The following VWA8 variants were observed in gnomAD, a reference collection of about 807,000 sequenced individuals.
VWA8 encodes the protein von Willebrand factor A domain containing 8.
A neutral mutation model predicts 241.5 loss-of-function variants in VWA8; 221 were observed. The ratio of observed to expected loss-of-function variants is 0.91; its 90% CI spans 0.82 to 1.02. VWA8 has a LOEUF of 1.02. Among genes scored for constraint, VWA8 ranks in the 50% least tolerant of loss-of-function variants. VWA8 has a pLI of 0.00. For synonymous variants in VWA8, 852 were observed against 827.1 expected, an observed-to-expected ratio of 1.03 and a Z score of -0.52; for missense variants, 2,322 against 2,328.7, an observed-to-expected ratio of 1.00 and a Z score of 0.06.
chr13:41,930,121 AG>A (rs1324093002), intron 2 of VWA8, among the ~76,000 whole-genome samples: 7 of 152,214 alleles, frequency 4.6e-5, no homozygotes, highest in African/African-American at 1.7e-4. Flanking sequence ...GTATATGAAA[AG>A]GTGCTCAACA....
intron 9 of VWA8, among the ~76,000 whole-genome samples, chr13:41,871,110 T>C (rs1873583538): frequency 6.6e-6 from 1 of 152,106 alleles, no homozygotes; most frequent in South Asian, 2.1e-4. Context: ...TGATTCTACC[T>C]TCAAACTATA....
At position 41,671,007 on chromosome 13, in the gene VWA8, C is replaced by T. The variant is rs762528080; in HGVS notation, c.4550G>A (p.Arg1517His). Reference sequence around the variant, plus strand: ...CCATTCCATGAGTGATCGCTGCAGACGTTCAAGTCCAGTTTCCCAAAGCCT... The same window carrying T: ...CCATTCCATGAGTGATCGCTGCAGATGTTCAAGTCCAGTTTCCCAAAGCCT... ...HIRLWETGLE[R>H]LQRSLMEWRN... The change falls in exon 37 of 45, where the codon CGT (arginine) becomes CAT (histidine). Residue 1517 changes from arginine (R) to histidine (H), a missense_variant. Physicochemically the swap from Arg to His is conservative, Grantham distance 29 (BLOSUM62 0). Coordinates refer to ENST00000379310, the MANE Select transcript of VWA8 (RefSeq NM_015058.2). 4.3e-6 allele frequency: 7 copies of T among 1,613,870 alleles called. No homozygotes were observed. Among genetic ancestry groups the T allele is most frequent in the East Asian group, 2.2e-5 (1 of 44,894 alleles).
chr13:41,657,483 T>TA (rs1566404375), intron 37 of VWA8, among the ~76,000 whole-genome samples: 1 of 126,528 alleles, frequency 7.9e-6, no homozygotes, highest in Non-Finnish European at 1.7e-5. Context: ...AAAGTTATTC[T>TA]TTTTTTTTTT....
chr13:41,847,111 G>A (rs1317314378), intron 12 of VWA8, among the ~76,000 whole-genome samples: 1 of 152,030 alleles, frequency 6.6e-6, no homozygotes, highest in Non-Finnish European at 1.5e-5. Flanking sequence ...GAAAGAGAGA[G>A]AACCAGCCTA....
chr13:41,679,924 C>T (rs926964615), intron 35 of VWA8, among the ~76,000 whole-genome samples: 2 of 145,064 alleles, frequency 1.4e-5, no homozygotes, highest in African/African-American at 5.0e-5. Context: ...GTGGTATTCA[C>T]CTTCATCATT....
At chr13:41,745,140 AT>A (rs35039865) in intron 21 of VWA8, among the ~76,000 whole-genome samples, 78 of 145,930 alleles carry the variant, frequency 5.3e-4, no homozygotes, top group Middle Eastern at 3.5e-3. Context: ...CACCTGGCCT[AT>A]TTTTTTTTTT....
intron 2 of VWA8, among the ~76,000 whole-genome samples, chr13:41,923,299 C>A (rs138562917): frequency 1.3e-5 from 2 of 151,294 alleles, no homozygotes; most frequent in East Asian, 3.9e-4. Context: ...GTGGGGGGAG[C>A]GGGGAGGGAT....
chr13:41,747,839 G>A (rs1195244162), intron 21 of VWA8, among the ~76,000 whole-genome samples: 1 of 152,170 alleles, frequency 6.6e-6, no homozygotes, highest in East Asian at 1.9e-4. Context: ...GGCCTTTTCT[G>A]CATCTATTGA....
chr13:41,650,449 C>T lies in VWA8; in HGVS notation c.4611+20497G>A, dbSNP rs532541637. On this transcript the variant is annotated intron_variant, in intron 37 of 44. Coordinates refer to ENST00000379310, the MANE Select transcript of VWA8 (RefSeq NM_015058.2). The stretch of plus-strand genomic sequence containing the variant: ...ACATGAACCAGGGTGGGATTGATCC[C>T]TATTTGATTCTTTGCCAACCTAGGC... Among the ~76,000 whole-genome samples the T allele has an allele frequency of 4.5e-4, 68 of 152,288 alleles. 1 individual carries two copies. The South Asian group carries it at 0.013, about 30-fold the overall frequency.
chr13:41,627,236 G>A (rs2044698128), intron 37 of VWA8, among the ~76,000 whole-genome samples: 1 of 152,144 alleles, frequency 6.6e-6, no homozygotes, highest in Non-Finnish European at 1.5e-5. Context: ...CAGTCAGAAT[G>A]GCCATTATTA....
chr13:41,807,221 T>TGGGCC (rs747576583), intron 17 of VWA8, among the ~76,000 whole-genome samples: 7 of 152,140 alleles, frequency 4.6e-5, no homozygotes, highest in Non-Finnish European at 1.0e-4. Flanking sequence ...AAGAAAAGCC[T>TGGGCC]GGGCCCTGAT....
At chr13:41,599,181 A>C (rs2139652699) in intron 40 of VWA8, among the ~76,000 whole-genome samples, 1 of 152,230 alleles carries the variant, frequency 6.6e-6, no homozygotes, top group South Asian at 2.1e-4. Flanking sequence ...CCTCTGGAAT[A>C]ACTTCAACTT....
chr13:41,900,032 T>TC (rs1422219559), intron 4 of VWA8, among the ~76,000 whole-genome samples: 1 of 152,196 alleles, frequency 6.6e-6, no homozygotes, highest in Non-Finnish European at 1.5e-5. Flanking sequence ...CAAAACTGGC[T>TC]CACAGCAGGC....
chr13:41,925,560 A>C (rs920039591), intron 2 of VWA8: 1 of 154,662 alleles, frequency 6.5e-6, no homozygotes, highest in African/African-American at 2.4e-5. Context: ...AAAATAGTCA[A>C]TTATAAGATG....
intron 12 of VWA8, among the ~76,000 whole-genome samples, chr13:41,840,665 A>T (rs1171826814): frequency 1.3e-5 from 2 of 151,888 alleles, no homozygotes; most frequent in African/African-American, 2.4e-5. Context: ...GAGCTGAGGC[A>T]CAAGGATCAC....
intron 12 of VWA8, among the ~76,000 whole-genome samples, chr13:41,844,707 G>C (rs1209997255): frequency 6.6e-6 from 1 of 151,380 alleles, no homozygotes; most frequent in African/African-American, 2.4e-5. Flanking sequence ...ACATTGAATG[G>C]ATACACCGAT....
chr13:41,828,370 G>A (rs1408064025), intron 14 of VWA8, among the ~76,000 whole-genome samples: 1 of 152,200 alleles, frequency 6.6e-6, no homozygotes. Flanking sequence ...GAGATTAAGT[G>A]ATGAGGAGTT....
intron 12 of VWA8, among the ~76,000 whole-genome samples, chr13:41,849,844 G>A (rs377141230): frequency 3.0e-4 from 45 of 151,698 alleles, no homozygotes; most frequent in African/African-American, 5.1e-4. Context: ...CCAAGATCGC[G>A]CCACTGTACT....
intron 26 of VWA8, among the ~76,000 whole-genome samples, chr13:41,715,411 T>A (rs1334049598): frequency 6.6e-6 from 1 of 152,042 alleles, no homozygotes; most frequent in Non-Finnish European, 1.5e-5. Flanking sequence ...TGTATAAGTT[T>A]CTTAAAATGG....
Sources: gnomAD v4.1 joint callset for allele counts (sites outside exome capture counted in the v4.1 genomes callset) on GRCh38, gnomAD v4.1.1 for gene constraint, MANE v1.5 for transcripts, NCBI Gene and HGNC (gene_info 2026-07-23, HGNC 2026-07-21) for gene names.